Variants in SNX29 observed in about 807,000 individuals in gnomAD.
SNX29 encodes sorting nexin 29.
SNX29 carries 78 observed loss-of-function variants against 102.1 expected under a neutral mutation model. That is an observed-to-expected ratio of 0.76 (90% CI 0.64 to 0.92). The LOEUF is 0.92. Ranked by LOEUF, SNX29 falls within the 40% of genes least tolerant of loss-of-function variation. SNX29 has a pLI of 0.00. For synonymous variants in SNX29, 580 were observed against 414.5 expected, an observed-to-expected ratio of 1.40 and a Z score of -4.85; for missense variants, 1,280 against 1,061.7, an observed-to-expected ratio of 1.21 and a Z score of -2.86.
intron 17 of SNX29, among the ~76,000 whole-genome samples, chr16:12,399,328 A>C (rs538282636): frequency 1.3e-5 from 2 of 152,184 alleles, no homozygotes; most frequent in African/African-American, 2.4e-5. Flanking sequence ...CTGGGATTAC[A>C]GTTGGGAGCC....
chr16:12,257,501 A>ATCTCTC (rs111505982), intron 14 of SNX29, among the ~76,000 whole-genome samples: 4,698 of 149,944 alleles, frequency 0.031, 253 homozygotes, highest in African/African-American at 0.11. Flanking sequence ...TACCACTAGC[A>ATCTCTC]TCTCTCTCTC....
intron 16 of SNX29, among the ~76,000 whole-genome samples, chr16:12,396,110 C>G (rs1405657676): frequency 1.3e-5 from 2 of 152,192 alleles, no homozygotes; most frequent in Non-Finnish European, 2.9e-5. Flanking sequence ...AAGGATTGAA[C>G]CACTCCTGGG....
chr16:12,408,173 C>A (rs12446375), intron 18 of SNX29, among the ~76,000 whole-genome samples: 15,216 of 76,948 alleles, frequency 0.2, 1,525 homozygotes, highest in East Asian at 0.31. Flanking sequence ...AACAAACAAA[C>A]AAACAAAAAA....
chr16:12,308,182 C>T (rs774893657), intron 15 of SNX29, among the ~76,000 whole-genome samples: 24 of 152,228 alleles, frequency 1.6e-4, no homozygotes, highest in Non-Finnish European at 3.1e-4. Flanking sequence ...GATGGCACCT[C>T]GCTGGTGGTG....
intron 9 of SNX29, among the ~76,000 whole-genome samples, chr16:12,066,394 G>T (rs566337247): frequency 6.6e-6 from 1 of 152,118 alleles, no homozygotes; most frequent in South Asian, 2.1e-4. Flanking sequence ...GGTGGGTGCC[G>T]TGCTCTTGTG....
intron 18 of SNX29, among the ~76,000 whole-genome samples, chr16:12,405,470 C>T (rs140043196): frequency 6.3e-4 from 96 of 152,296 alleles, no homozygotes; most frequent in African/African-American, 2.1e-3. Context: ...CGCTCTGCAT[C>T]GCTGGGAGCA....
intron 11 of SNX29, among the ~76,000 whole-genome samples, chr16:12,103,883 G>C (rs189576644): frequency 1.3e-5 from 2 of 152,294 alleles, no homozygotes; most frequent in African/African-American, 4.8e-5. Flanking sequence ...ATGTTTCCTT[G>C]TCTCCATGAT....
intron 11 of SNX29, among the ~76,000 whole-genome samples, chr16:12,082,725 G>C (rs1265902752): frequency 6.6e-6 from 1 of 152,130 alleles, no homozygotes; most frequent in Non-Finnish European, 1.5e-5. Context: ...ATTGTGTGTG[G>C]GTGGCTGGGA....
intron 19 of SNX29, among the ~76,000 whole-genome samples, chr16:12,487,760 CA>C (rs1225870218): frequency 6.6e-6 from 1 of 152,208 alleles, no homozygotes; most frequent in Non-Finnish European, 1.5e-5. Flanking sequence ...TAGGGCTCCA[CA>C]GAGAAATTTG....
At chr16:12,255,477 C>G (rs1330118736) in intron 14 of SNX29, among the ~76,000 whole-genome samples, 1 of 152,174 alleles carries the variant, frequency 6.6e-6, no homozygotes, top group Non-Finnish European at 1.5e-5. Context: ...CCCTAACCCG[C>G]CAGAACTCAT....
intron 11 of SNX29, among the ~76,000 whole-genome samples, chr16:12,113,300 A>G (rs1244422626): frequency 6.6e-6 from 1 of 152,198 alleles, no homozygotes; most frequent in Non-Finnish European, 1.5e-5. Flanking sequence ...ACTGAGCCTC[A>G]GAGCAGACAA....
chr16:12,095,494 A>G (rs1182840323), intron 11 of SNX29, among the ~76,000 whole-genome samples: 1 of 152,156 alleles, frequency 6.6e-6, no homozygotes, highest in Non-Finnish European at 1.5e-5. Context: ...TGTTGAGAGC[A>G]GTGGTCTTTT....
intron 16 of SNX29, among the ~76,000 whole-genome samples, chr16:12,365,900 T>C (rs980405343): frequency 3.3e-5 from 5 of 151,132 alleles, no homozygotes; most frequent in African/African-American, 4.9e-5. Context: ...AAATTAGCCA[T>C]GCGTGGTGGC....
chr16:12,116,559 AG>A (rs1336492293), intron 11 of SNX29, among the ~76,000 whole-genome samples: 2 of 151,592 alleles, frequency 1.3e-5, no homozygotes, highest in Non-Finnish European at 3.0e-5. Flanking sequence ...TTGTGGCCCC[AG>A]GTACTTGGGA....
intron 16 of SNX29, among the ~76,000 whole-genome samples, chr16:12,379,090 A>G (rs2082982490): frequency 6.6e-6 from 1 of 151,992 alleles, no homozygotes; most frequent in East Asian, 1.9e-4. Context: ...AGACAGCCAT[A>G]CTCCACTCCT....
intron 15 of SNX29, among the ~76,000 whole-genome samples, chr16:12,306,664 C>A (rs1276149993): frequency 6.6e-6 from 1 of 152,208 alleles, no homozygotes; most frequent in African/African-American, 2.4e-5. Context: ...CTGAGTTAGG[C>A]CCCTGCTGAT....
chr16:12,532,005 AGAG>A (rs1168970432), intron 20 of SNX29, among the ~76,000 whole-genome samples: 2 of 152,212 alleles, frequency 1.3e-5, no homozygotes, highest in Non-Finnish European at 2.9e-5. Flanking sequence ...CCACAGCGAC[AGAG>A]GAGAGGCAGG....
chr16:12,161,983 A>G (rs996099936), intron 13 of SNX29, among the ~76,000 whole-genome samples: 10 of 152,080 alleles, frequency 6.6e-5, no homozygotes, highest in South Asian at 4.2e-4. Flanking sequence ...TCTTTCCACA[A>G]TTGTCGGCCC....
At chr16:12,479,874 G>C (rs183400944) in intron 19 of SNX29, among the ~76,000 whole-genome samples, 2 of 152,294 alleles carry the variant, frequency 1.3e-5, no homozygotes, top group East Asian at 3.9e-4. Context: ...TGGAAATGAG[G>C]GGATTTGGAA....
Sources: gnomAD v4.1 joint callset for allele counts (sites outside exome capture counted in the v4.1 genomes callset) on GRCh38, gnomAD v4.1.1 for gene constraint, MANE v1.5 for transcripts, NCBI Gene and HGNC (gene_info 2026-07-23, HGNC 2026-07-21) for gene names.